The following ARHGEF10 variants were observed in gnomAD, a reference collection of about 807,000 sequenced individuals.
ARHGEF10 encodes the protein Rho guanine nucleotide exchange factor (GEF) 10.
Under a neutral mutation model 147.4 loss-of-function variants are expected in ARHGEF10, and 140 were observed. The ratio of observed to expected loss-of-function variants is 0.95; its 90% CI spans 0.83 to 1.09. ARHGEF10 has a LOEUF of 1.09. ARHGEF10 is among the 50% of genes least tolerant of loss of function. The pLI is 0.00. For missense variants in ARHGEF10, 2,222 were observed against 1,752.7 expected (o/e 1.27, Z -4.78); for synonymous variants, 902 against 695.8 (o/e 1.30, Z -4.67).
At chr8:1,947,949 C>T (rs752249374) in intron 27 of ARHGEF10, among the ~76,000 whole-genome samples, 17 of 152,144 alleles carry the variant, frequency 1.1e-4, no homozygotes, top group Non-Finnish European at 1.9e-4. Flanking sequence ...CTGCACCCAC[C>T]CAGAAACAGA....
rs1809253716 is a variant in ARHGEF10, at chr8:1,889,690, G to T, written c.1183-3879G>T. Among the ~76,000 whole-genome samples, 2 of 100,096 alleles carry T rather than the reference G, an allele frequency of 2.0e-5. 1 individual carries two copies. The highest frequency in any genetic ancestry group is 4.0e-5 in the Non-Finnish European group (2 of 50,260). The allele number at this position is 100,096 out of a possible 152,430, so 65.7% of individuals were successfully genotyped here. A position where few individuals can be genotyped will look rare whatever the true frequency, so the allele number is the denominator to read the frequency against. On this transcript the variant is annotated intron_variant, in intron 11 of 28. Coordinates refer to ENST00000349830, the MANE Select transcript of ARHGEF10 (RefSeq NM_014629.4). The stretch of plus-strand genomic sequence containing the variant: ...GTGGGGTGAGGGTCGTGAGGAAACA[G>T]TGGGGTGAAGGTTTGTGAGGAGACC...
chr8:1,932,963 T>G (rs1021440821), intron 25 of ARHGEF10, among the ~76,000 whole-genome samples: 1 of 152,268 alleles, frequency 6.6e-6, no homozygotes, highest in African/African-American at 2.4e-5. Flanking sequence ...AGAATTCATT[T>G]TAATTATTTA....
At chr8:1,953,966 G>A (rs969459713) in intron 28 of ARHGEF10, among the ~76,000 whole-genome samples, 14 of 152,136 alleles carry the variant, frequency 9.2e-5, no homozygotes, top group African/African-American at 3.1e-4. Context: ...GATTTTGGCA[G>A]GTCCACCCAC....
At chr8:1,911,321 A>C (rs891471783) in intron 18 of ARHGEF10, among the ~76,000 whole-genome samples, 2 of 152,170 alleles carry the variant, frequency 1.3e-5, no homozygotes, top group Admixed American at 1.3e-4. Flanking sequence ...ATGGAAAAGC[A>C]CCTAGTTAAC....
At chr8:1,869,944 G>T (rs1806957843) in intron 7 of ARHGEF10, 1 of 154,962 alleles carries the variant, frequency 6.5e-6, no homozygotes, top group Admixed American at 6.3e-5. Flanking sequence ...GGGGGAGCTT[G>T]CTGCCCATAG....
intron 5 of ARHGEF10, among the ~76,000 whole-genome samples, chr8:1,865,738 TC>T (rs1806547150): frequency 6.6e-6 from 1 of 152,128 alleles, no homozygotes; most frequent in Non-Finnish European, 1.5e-5. Context: ...TAGTGACCCT[TC>T]CCATAGGAAC....
intron 27 of ARHGEF10, among the ~76,000 whole-genome samples, chr8:1,949,753 G>C (rs1814879297): frequency 6.6e-6 from 1 of 151,990 alleles, no homozygotes; most frequent in African/African-American, 2.4e-5. Flanking sequence ...CCGGACTCAA[G>C]ATGGTGAGTT....
chr8:1,893,092 C>CAAAAAAAAAA (rs34033686), intron 11 of ARHGEF10, among the ~76,000 whole-genome samples: 1 of 76,862 alleles, frequency 1.3e-5, no homozygotes, highest in Non-Finnish European at 2.7e-5. Context: ...AAGATCTTTG[C>CAAAAAAAAAA]AAAAAAAAAA....
chr8:1,834,250 G>A (rs191660736), intron 1 of ARHGEF10, among the ~76,000 whole-genome samples: 13 of 152,374 alleles, frequency 8.5e-5, no homozygotes, highest in African/African-American at 2.4e-4. Context: ...CGGTTAGCTC[G>A]TGACTGACTG....
intron 2 of ARHGEF10, among the ~76,000 whole-genome samples, chr8:1,843,878 G>A (rs1293817168): frequency 1.3e-5 from 2 of 152,196 alleles, no homozygotes; most frequent in Non-Finnish European, 2.9e-5. Context: ...GGACAAGCAC[G>A]CCCTCTCTAT....
At chr8:1,915,041 G>A (rs1811652188) in intron 18 of ARHGEF10, among the ~76,000 whole-genome samples, 1 of 152,198 alleles carries the variant, frequency 6.6e-6, no homozygotes, top group African/African-American at 2.4e-5. Context: ...CTGTGAAGCT[G>A]CTGACCTCCT....
intron 18 of ARHGEF10, among the ~76,000 whole-genome samples, chr8:1,913,467 C>G (rs1029553123): frequency 6.6e-6 from 1 of 152,220 alleles, no homozygotes; most frequent in Non-Finnish European, 1.5e-5. Context: ...AGTCACATTA[C>G]TTTGTAGTTA....
intron 2 of ARHGEF10, among the ~76,000 whole-genome samples, chr8:1,850,112 G>A (rs1410297898): frequency 2.6e-5 from 2 of 76,404 alleles, no homozygotes; most frequent in Admixed American, 1.5e-4. Context: ...TGGGCCGGCT[G>A]CATGGACACA....
chr8:1,897,997 G>T (rs1810147453), intron 14 of ARHGEF10, among the ~76,000 whole-genome samples: 1 of 152,136 alleles, frequency 6.6e-6, no homozygotes, highest in Admixed American at 6.5e-5. Context: ...GGTCAACATT[G>T]CCCAACAGCC....
In ARHGEF10 at chr8:1,852,534, C is replaced by G. The variant is rs557484833; in HGVS notation, c.38-5426C>G. Among the ~76,000 whole-genome samples, 220 of 151,768 alleles carry G rather than the reference C, an allele frequency of 1.4e-3. 1 individual carries two copies. Among genetic ancestry groups the G allele is most frequent in the African/African-American group, 4.8e-3 (198 of 41,216 alleles). On this transcript the variant is annotated intron_variant, in intron 2 of 28. Coordinates refer to ENST00000349830, the MANE Select transcript of ARHGEF10 (RefSeq NM_014629.4). ...GTCCTGAGGGCCCTCTAGAACCTCTCCATCATCCTGGAGAGAACCCGGGAG... is the reference window on the plus strand; with the variant it reads ...GTCCTGAGGGCCCTCTAGAACCTCTGCATCATCCTGGAGAGAACCCGGGAG...
At chr8:1,909,880 C>G (rs1003952614) in intron 18 of ARHGEF10, among the ~76,000 whole-genome samples, 14 of 152,180 alleles carry the variant, frequency 9.2e-5, no homozygotes, top group African/African-American at 3.4e-4. Flanking sequence ...CTTTGCTCAC[C>G]TGCTCACACT....
intron 8 of ARHGEF10, among the ~76,000 whole-genome samples, chr8:1,876,954 C>A (rs559375795): frequency 6.6e-6 from 1 of 152,308 alleles, no homozygotes; most frequent in East Asian, 1.9e-4. Context: ...CTTCTATAAT[C>A]CACTTAAAAG....
chr8:1,828,249 C>G (rs1802884515), intron 1 of ARHGEF10, among the ~76,000 whole-genome samples: 1 of 152,254 alleles, frequency 6.6e-6, no homozygotes, highest in Admixed American at 6.5e-5. Flanking sequence ...TGTTGTCCAG[C>G]TGTGGGGAAC....
intron 1 of ARHGEF10, chr8:1,826,251 GCTTGA>G: frequency 1.0e-6 from 1 of 969,100 alleles, no homozygotes. Context: ...AAAAGTTGAT[GCTTGA>G]CTTCCAGATG....
Sources: allele counts gnomAD v4.1 joint callset (sites outside exome capture counted in the v4.1 genomes callset), GRCh38; gene constraint gnomAD v4.1.1; transcripts MANE v1.5; gene names NCBI Gene and HGNC (gene_info 2026-07-23, HGNC 2026-07-21).